PLCB4: variants seen among roughly 807,000 people sequenced by gnomAD.
PLCB4 encodes the protein phospholipase C beta 4, also known as 1-phosphatidylinositol 4,5-bisphosphate phosphodiesterase beta-4.
Under a neutral mutation model 178.8 loss-of-function variants are expected in PLCB4, and 77 were observed. The observed-to-expected ratio is 0.43, with a 90% CI of 0.36 to 0.52. The LOEUF is 0.52. Among genes scored for constraint, PLCB4 ranks in the 20% least tolerant of loss-of-function variants. The pLI is 0.00. For missense variants in PLCB4, 1,024 were observed against 1,453.4 expected, an observed-to-expected ratio of 0.70 and a Z score of 4.80; for synonymous variants, 496 against 490.8, an observed-to-expected ratio of 1.01 and a Z score of -0.14.
intron 2 of PLCB4, among the ~76,000 whole-genome samples, chr20:9,163,706 A>G (rs1409406178): frequency 6.6e-6 from 1 of 151,974 alleles, no homozygotes; most frequent in Non-Finnish European, 1.5e-5. Context: ...GAACATTCAT[A>G]TTTTCTTCCA....
At chr20:9,473,196 A>G in intron 37 of PLCB4, 83 bp from the exon 38 acceptor site, 1 of 779,098 alleles carries the variant, frequency 1.3e-6, no homozygotes, top group East Asian at 2.7e-5. Context: ...CTTAAATTAT[A>G]AAGTTACAAG....
chr20:9,147,316 A>C (rs2092615265), intron 2 of PLCB4, among the ~76,000 whole-genome samples: 1 of 152,180 alleles, frequency 6.6e-6, no homozygotes, highest in Non-Finnish European at 1.5e-5. Flanking sequence ...TTGTTCCAAA[A>C]GTAGTCATTA....
intron 2 of PLCB4, among the ~76,000 whole-genome samples, chr20:9,149,629 C>T (rs369845562): frequency 2.8e-4 from 42 of 151,644 alleles, no homozygotes; most frequent in African/African-American, 9.8e-4. Context: ...TTTGAGCCTG[C>T]GCTCTGGTGT....
At chr20:9,172,084 G>C (rs1363766071) in intron 2 of PLCB4, among the ~76,000 whole-genome samples, 1 of 152,146 alleles carries the variant, frequency 6.6e-6, no homozygotes, top group Non-Finnish European at 1.5e-5. Context: ...CCATGTTTCA[G>C]TAATAATGTT....
chr20:9,459,719 C>G lies in PLCB4; in HGVS notation c.3157C>G (p.Leu1053Val), dbSNP rs771965557. The part of the protein sequence containing the change: ...HSAEEQEIRD[L>V]HLSQQCELLK... ...TGCTGAGGAGCAAGAAATCCGAGAC[C>G]TGCACCTCAGCCAGCAGTGTGAGCT... Residue 1053 changes from leucine (L) to valine (V), a missense_variant, in exon 35 of 40, where the codon CTG becomes GTG. Physicochemically the swap from Leu to Val is conservative, Grantham distance 32. Transcript: ENST00000378473. 1.9e-6 allele frequency: 3 copies of G among 1,612,024 alleles called. No individual in the cohort carries two copies. The South Asian group carries it at 3.3e-5, about 18-fold the overall frequency.
At chr20:9,417,156 G>A (rs2040305687) in intron 25 of PLCB4, among the ~76,000 whole-genome samples, 1 of 151,950 alleles carries the variant, frequency 6.6e-6, no homozygotes, top group Non-Finnish European at 1.5e-5. Context: ...TTTCATTGAT[G>A]TACTGCTCAT....
At chr20:9,074,258 G>T (rs718375) in intron 1 of PLCB4, among the ~76,000 whole-genome samples, 2 of 152,062 alleles carry the variant, frequency 1.3e-5, no homozygotes, top group South Asian at 2.1e-4. Flanking sequence ...AATGATACAG[G>T]GTACTGTTAC....
At chr20:9,307,352 T>C (rs1481736836) in intron 3 of PLCB4, among the ~76,000 whole-genome samples, 1 of 152,166 alleles carries the variant, frequency 6.6e-6, no homozygotes, top group Non-Finnish European at 1.5e-5. Flanking sequence ...CTGCAACTTA[T>C]ACCCTGTGGG....
At chr20:9,092,361 G>T (rs888650515) in intron 1 of PLCB4, among the ~76,000 whole-genome samples, 21 of 152,094 alleles carry the variant, frequency 1.4e-4, no homozygotes, top group African/African-American at 5.1e-4. Flanking sequence ...GTGCCTTGTT[G>T]TTTCTGATGC....
intron 2 of PLCB4, among the ~76,000 whole-genome samples, chr20:9,160,455 T>G (rs1023010045): frequency 1.3e-5 from 2 of 152,170 alleles, no homozygotes; most frequent in Non-Finnish European, 2.9e-5. Flanking sequence ...CGCACAGAGT[T>G]AAATTGGGCA....
chr20:9,246,405 A>C (rs1306146032), intron 3 of PLCB4, among the ~76,000 whole-genome samples: 4 of 152,224 alleles, frequency 2.6e-5, no homozygotes, highest in Non-Finnish European at 5.9e-5. Context: ...TCCCTCCAGC[A>C]GATGTACAAA....
At chr20:9,203,056 A>AATAT (rs55690764) in intron 2 of PLCB4, among the ~76,000 whole-genome samples, 2,163 of 125,986 alleles carry the variant, frequency 0.017, 42 homozygotes, top group Admixed American at 0.043. Context: ...AAAAAAAAAA[A>AATAT]ATATATATAT....
intron 19 of PLCB4, among the ~76,000 whole-genome samples, chr20:9,398,100 C>T (rs2038742748): frequency 1.3e-5 from 2 of 152,254 alleles, no homozygotes; most frequent in South Asian, 4.1e-4. Flanking sequence ...ATGGCTAAGT[C>T]CCCCAGATGG....
At chr20:9,274,169 T>C (rs1319203206) in intron 3 of PLCB4, among the ~76,000 whole-genome samples, 3 of 152,136 alleles carry the variant, frequency 2.0e-5, no homozygotes, top group African/African-American at 7.2e-5. Flanking sequence ...TTCATTGTTC[T>C]TACAGTTCAT....
intron 3 of PLCB4, among the ~76,000 whole-genome samples, chr20:9,239,330 CATGTCAGT>C (rs1396411368): frequency 1.3e-5 from 2 of 152,108 alleles, no homozygotes; most frequent in African/African-American, 4.8e-5. Context: ...ATAGCTTTCC[CATGTCAGT>C]ATAGATTGCA....
intron 1 of PLCB4, among the ~76,000 whole-genome samples, chr20:9,074,504 A>G (rs906119416): frequency 6.6e-6 from 1 of 152,168 alleles, no homozygotes; most frequent in Admixed American, 6.5e-5. Flanking sequence ...ATAGGGGTAG[A>G]TGGCATTGAC....
intron 2 of PLCB4, among the ~76,000 whole-genome samples, chr20:9,178,936 A>G (rs2093199850): frequency 6.6e-6 from 1 of 152,206 alleles, no homozygotes; most frequent in African/African-American, 2.4e-5. Flanking sequence ...TACATTCTAG[A>G]TACATTTAGG....
chr20:9,468,956 A>G (rs115275181), intron 36 of PLCB4, among the ~76,000 whole-genome samples: 102 of 151,820 alleles, frequency 6.7e-4, no homozygotes, highest in Non-Finnish European at 1.1e-3. Flanking sequence ...TAATAATATA[A>G]TTCTTTTTTT....
At chr20:9,339,873 G>T (rs35445134) in intron 7 of PLCB4, among the ~76,000 whole-genome samples, 2,643 of 152,280 alleles carry the variant, frequency 0.017, 33 homozygotes, top group Middle Eastern at 0.034. Context: ...GTCTCAAAGA[G>T]ACTTCTCGAA....
Sources: allele counts gnomAD v4.1 joint callset (sites outside exome capture counted in the v4.1 genomes callset), GRCh38; gene constraint gnomAD v4.1.1; transcripts MANE v1.5; gene names NCBI Gene and HGNC (gene_info 2026-07-23, HGNC 2026-07-21).